Variants in AP3B2 observed in about 807,000 individuals in gnomAD.
AP3B2 encodes the protein AP-3 complex subunit beta-2.
A neutral mutation model predicts 126.9 loss-of-function variants in AP3B2; 50 were observed. The observed-to-expected ratio is 0.39, with a 90% CI of 0.31 to 0.50. The LOEUF is 0.50. AP3B2 is among the 20% of genes least tolerant of loss of function. The pLI is 0.79. For missense variants in AP3B2, 1,177 were observed against 1,426.4 expected, an observed-to-expected ratio of 0.83 and a Z score of 2.82; for synonymous variants, 541 against 565.0, an observed-to-expected ratio of 0.96 and a Z score of 0.60.
intron 14 of AP3B2, among the ~76,000 whole-genome samples, chr15:82,669,690 C>CAA (rs144283693): frequency 7.6e-6 from 1 of 130,864 alleles, no homozygotes; most frequent in Non-Finnish European, 1.6e-5. Flanking sequence ...GACTCCGTTT[C>CAA]AAAAAAAAAA....
Position 82,678,299 on chromosome 15 carries a change from G to C in AP3B2, c.1183-132C>G. 3 of 902,288 alleles carry C rather than the reference G, an allele frequency of 3.3e-6. No individual in the cohort carries two copies. The South Asian group carries it at 4.5e-5, about 13-fold the overall frequency. The allele number at this position is 902,288 out of a possible 1,614,324, so 55.9% of individuals were successfully genotyped here. A position where few individuals can be genotyped will look rare whatever the true frequency, so the allele number is the denominator to read the frequency against. On this transcript the variant is annotated intron_variant, in intron 10 of 26. Coordinates refer to ENST00000535359, the MANE Select transcript of AP3B2 (RefSeq NM_001278512.2). ...CCCTGCATCATCCTCACACTGATGA[G>C]GGAATTGACAGGTTATGAAACTTGT...
chr15:82,681,081 C>T lies in AP3B2; in HGVS notation c.588+31G>A, dbSNP rs770135529. The T allele has an allele frequency of 6.2e-7, 1 of 1,613,428 alleles. No individual in the cohort carries two copies. Among genetic ancestry groups the T allele is most frequent in the African/African-American group, 1.3e-5 (1 of 74,934 alleles). Reference sequence around the variant, plus strand: ...GGGTGGAAGGCCGGCTGCCGGTCACCACCCCTCCCGGAGCGCCCCTATACA... The same window carrying T: ...GGGTGGAAGGCCGGCTGCCGGTCACTACCCCTCCCGGAGCGCCCCTATACA... On this transcript the variant is annotated intron_variant, in intron 6 of 26. Transcript: ENST00000535359. The surrounding 1 kb of genome is among the most constrained non-coding windows in gnomAD (Gnocchi z 4.0).
chr15:82,699,361 G>A (rs1048934442), intron 1 of AP3B2: 15 of 292,128 alleles, frequency 5.1e-5, no homozygotes, highest in Admixed American at 1.0e-4. Flanking sequence ...TGGGGAGAAA[G>A]AGGTCAAGGT....
chr15:82,689,682 T>A, intron 1 of AP3B2: 1 of 565,438 alleles, frequency 1.8e-6, no homozygotes, highest in Non-Finnish European at 3.2e-6. Flanking sequence ...TATATTTAAG[T>A]CTTAACCCCT....
At chr15:82,709,452 G>C (rs1209957914) in intron 1 of AP3B2, 142 bp downstream of exon 1, 2 of 360,396 alleles carry the variant, frequency 5.5e-6, no homozygotes, top group Non-Finnish European at 7.8e-6. Flanking sequence ...GCTCCAGGCC[G>C]CAGGAGGGGG....
chr15:82,709,542 G>T, intron 1 of AP3B2, 52 bp downstream of exon 1: 45 of 1,338,036 alleles, frequency 3.4e-5, no homozygotes, highest in Non-Finnish European at 4.3e-5. Flanking sequence ...CGCGCGCCTC[G>T]CCCGGTCCCC....
intron 10 of AP3B2, among the ~76,000 whole-genome samples, chr15:82,679,271 C>T (rs1320430500): frequency 1.3e-5 from 2 of 152,140 alleles, no homozygotes; most frequent in Non-Finnish European, 2.9e-5. Flanking sequence ...TTACAGGCAC[C>T]TGCCACCACG....
chr15:82,709,863 G>A lies in AP3B2; in HGVS notation c.-157C>T. 3 of 515,628 alleles carry A rather than the reference G, an allele frequency of 5.8e-6. No homozygotes were observed. In the East Asian group the frequency reaches 1.1e-4, roughly 19 times the overall value. 31.9% of individuals were successfully genotyped at this position (515,628 alleles called of 1,614,324 possible). A position where few individuals can be genotyped will look rare whatever the true frequency, so the allele number is the denominator to read the frequency against. ...TGCAGTGTGCAGCGGCGGAGGCTGC[G>A]CGCGGATTTCTCAATCAGGGCCGCG... is the stretch of plus-strand genomic sequence containing the variant. On this transcript the variant is annotated 5_prime_UTR_variant, in exon 1 of 27. Coordinates refer to ENST00000535359, the MANE Select transcript of AP3B2 (RefSeq NM_001278512.2).
In AP3B2 at chr15:82,663,953, T is replaced by C. The variant is rs770684567; in HGVS notation, c.2284A>G (p.Lys762Glu). The change falls in exon 20 of 27, where the codon AAG becomes GAG. Residue 762 changes from lysine (K) to glutamate (E), a missense_variant. This residue lies in a region of AP3B2 where 587 missense variants were observed against 571.3 expected (regional missense o/e 1.03). Transcript: ENST00000535359. ...SESEQSEEDG[K>E]RKTKKKVPER... ...GGCACCTTCTTCTTTGTCTTCCTCTTACCATCCTCCTCACTCTGTTCACTG... is the reference window on the plus strand; with the variant it reads ...GGCACCTTCTTCTTTGTCTTCCTCTCACCATCCTCCTCACTCTGTTCACTG... 2.5e-6 allele frequency: 4 copies of C among 1,606,196 alleles called. No individual in the cohort carries two copies. The Admixed American group carries it at 5.0e-5, about 20-fold the overall frequency.
chr15:82,672,849 G>T (rs1336016407), intron 14 of AP3B2, among the ~76,000 whole-genome samples: 2 of 152,206 alleles, frequency 1.3e-5, no homozygotes, highest in African/African-American at 2.4e-5. Flanking sequence ...GTGTTGGGAG[G>T]CCCCTATGGC....
intron 21 of AP3B2, 101 bp from the exon 22 acceptor site, chr15:82,663,334 G>C (rs1391466418): frequency 1.9e-6 from 2 of 1,069,424 alleles, no homozygotes; most frequent in Non-Finnish European, 2.8e-6. Context: ...ACCATGGACA[G>C]CGGGGCACAT....
Position 82,663,698 on chromosome 15 carries a change from G to A in AP3B2, c.2437-78C>T, listed in dbSNP as rs2047998305. On this transcript the variant is annotated intron_variant, in intron 20 of 26. Transcript: ENST00000535359. The stretch of plus-strand genomic sequence containing the variant: ...TTCTGGGTTGGGTAGAAGATGTCAT[G>A]TTCTGTTCTGGATGGTAGGGAGATA... The A allele has an allele frequency of 9.3e-6, 15 of 1,609,250 alleles. No homozygotes were observed. In the Admixed American group the frequency reaches 1.2e-4, roughly 13 times the overall value.
intron 1 of AP3B2, chr15:82,691,960 C>CGGTG: frequency 1.4e-6 from 2 of 1,423,926 alleles, no homozygotes; most frequent in Non-Finnish European, 2.0e-6. Flanking sequence ...CACCGTCCTT[C>CGGTG]TGCACATCGG....
intron 14 of AP3B2, among the ~76,000 whole-genome samples, chr15:82,670,561 G>C (rs772985135): frequency 7.9e-5 from 12 of 152,192 alleles, no homozygotes; most frequent in Non-Finnish European, 1.8e-4. Context: ...AATCATAGTG[G>C]ATTAAAAACT....
intron 1 of AP3B2, chr15:82,692,337 G>C: frequency 1.8e-6 from 1 of 554,658 alleles, no homozygotes; most frequent in Non-Finnish European, 3.1e-6. Flanking sequence ...ACGCAGATGC[G>C]CTCATCCGCC....
Position 82,664,578 on chromosome 15 carries a change from G to C in AP3B2, c.2138-88C>G. The C allele has an allele frequency of 1.3e-6, 2 of 1,514,776 alleles. No homozygotes were observed. The highest frequency in any genetic ancestry group is 1.8e-6 in the Non-Finnish European group (2 of 1,122,828). The allele number at this position is 1,514,776 out of a possible 1,614,324, so 93.8% of individuals were successfully genotyped here. ...CACCTGGGTTCCACCTTCACATTCA[G>C]TACTGAACCCTCAAACCTCTCTGAC... is the stretch of plus-strand genomic sequence containing the variant. On this transcript the variant is annotated intron_variant, in intron 18 of 26. Transcript: ENST00000535359. This position sits in a 1 kb window ranked among gnomAD's most constrained non-coding sequence, Gnocchi z 4.5.
chr15:82,682,855 G>A (rs1324757222), intron 4 of AP3B2, among the ~76,000 whole-genome samples: 3 of 151,918 alleles, frequency 2.0e-5, no homozygotes, highest in Non-Finnish European at 4.4e-5. Flanking sequence ...GGGAGGCTGA[G>A]GTAGGAGGAT....
intron 1 of AP3B2, among the ~76,000 whole-genome samples, chr15:82,695,872 T>A (rs1316273204): frequency 6.6e-6 from 1 of 152,108 alleles, no homozygotes; most frequent in Admixed American, 6.5e-5. Flanking sequence ...TAACACTAGA[T>A]TGACTTGAAT....
At chr15:82,708,186 A>G (rs2048826440) in intron 1 of AP3B2, among the ~76,000 whole-genome samples, 1 of 151,794 alleles carries the variant, frequency 6.6e-6, no homozygotes, top group Non-Finnish European at 1.5e-5. Flanking sequence ...CCTGGCTCAA[A>G]AGCTCCCCCA....
Sources: gnomAD v4.1 joint callset for allele counts (sites outside exome capture counted in the v4.1 genomes callset) on GRCh38, gnomAD v4.1.1 for gene constraint, gnomAD v4.1.1 regional missense constraint, Gnocchi (gnomAD v3.1) non-coding constraint, MANE v1.5 for transcripts, NCBI Gene and HGNC (gene_info 2026-07-23, HGNC 2026-07-21) for gene names.